The following TAF1A variants were observed in gnomAD, a reference collection of about 807,000 sequenced individuals.
The protein encoded by TAF1A is TATA-box binding protein associated factor, RNA polymerase I subunit A, also known as TATA box-binding protein-associated factor RNA polymerase I subunit A.
A neutral mutation model predicts 61.6 loss-of-function variants in TAF1A; 42 were observed. That is an observed-to-expected ratio of 0.68 (90% CI 0.53 to 0.88). The LOEUF (loss-of-function observed/expected upper bound fraction) is 0.88. Ranked by LOEUF, TAF1A falls within the 40% of genes least tolerant of loss-of-function variation. TAF1A has a pLI of 0.00. For missense variants in TAF1A, 424 were observed against 518.7 expected, an observed-to-expected ratio of 0.82 and a Z score of 1.77; for synonymous variants, 179 against 177.7, an observed-to-expected ratio of 1.01 and a Z score of -0.06.
At position 222,562,751 on chromosome 1, in the gene TAF1A, AT is replaced by A. The variant is rs1230393935; in HGVS notation, c.1085+421del. On this transcript the variant is annotated intron_variant, in intron 9 of 10. Coordinates refer to ENST00000352967, the MANE Select transcript of TAF1A (RefSeq NM_005681.4). ...TGAGTATTTGTTAAATGACTAGTGT[AT>A]GATGATCTTGTCAGGTCCTAAAAAT... Among the ~76,000 whole-genome samples the A allele has an allele frequency of 2.6e-5, 4 of 152,192 alleles. 1 individual carries two copies. In the East Asian group the frequency reaches 7.7e-4, roughly 29 times the overall value.
chr1:222,587,885 C>T (rs796432775), intron 2 of TAF1A, among the ~76,000 whole-genome samples: 11 of 152,146 alleles, frequency 7.2e-5, no homozygotes, highest in African/African-American at 2.7e-4. Context: ...AACCCTGTCT[C>T]TATTAAAAAT....
intron 10 of TAF1A, among the ~76,000 whole-genome samples, chr1:222,560,072 C>T (rs1267271151): frequency 6.6e-6 from 1 of 152,094 alleles, no homozygotes; most frequent in Non-Finnish European, 1.5e-5. Context: ...CAAGGAAAGA[C>T]CCCTCCAAGG....
intron 7 of TAF1A, chr1:222,569,067 T>A: frequency 4.8e-6 from 1 of 208,454 alleles, no homozygotes. Flanking sequence ...AGTGATTGTC[T>A]GGGGCCATGG....
chr1:222,579,479 T>G (rs1476882993), intron 4 of TAF1A, among the ~76,000 whole-genome samples: 1 of 152,232 alleles, frequency 6.6e-6, no homozygotes, highest in Non-Finnish European at 1.5e-5. Context: ...TTTTAGAATC[T>G]GGCCCATCAT....
At chr1:222,576,896 G>C (rs975575304) in intron 5 of TAF1A, among the ~76,000 whole-genome samples, 1 of 152,116 alleles carries the variant, frequency 6.6e-6, no homozygotes, top group Non-Finnish European at 1.5e-5. Context: ...GCTCTCTTCT[G>C]GACTAGGCCT....
intron 2 of TAF1A, 75 bp from the exon 3 acceptor site, chr1:222,584,372 A>C: frequency 7.1e-7 from 1 of 1,408,204 alleles, no homozygotes; most frequent in South Asian, 1.4e-5. Context: ...TACTTCTGAT[A>C]AGAAGTTTTA....
chr1:222,586,067 A>T (rs550633241), intron 2 of TAF1A, among the ~76,000 whole-genome samples: 1 of 152,318 alleles, frequency 6.6e-6, no homozygotes, highest in South Asian at 2.1e-4. Context: ...GTGCTAGACT[A>T]GTGTTCTCAG....
At chr1:222,570,810 T>A in intron 5 of TAF1A, 145 bp from the exon 6 acceptor site, 2 of 739,224 alleles carry the variant, frequency 2.7e-6, no homozygotes, top group Non-Finnish European at 4.1e-6. Context: ...AGGAAAATAC[T>A]AATTCTTCAC....
At chr1:222,580,403 C>CTCAGA (rs1454856159) in intron 3 of TAF1A, among the ~76,000 whole-genome samples, 3 of 152,054 alleles carry the variant, frequency 2.0e-5, no homozygotes, top group African/African-American at 7.2e-5. Context: ...ATATTTTATC[C>CTCAGA]TCAGATCACC....
At chr1:222,587,821 G>A (rs1460526439) in intron 2 of TAF1A, among the ~76,000 whole-genome samples, 3 of 152,106 alleles carry the variant, frequency 2.0e-5, no homozygotes, top group African/African-American at 7.2e-5. Flanking sequence ...GGAGGCTGAG[G>A]TGGGCAGGTC....
In TAF1A at chr1:222,561,415, T is replaced by C; in HGVS notation, c.1189A>G (p.Thr397Ala). The part of the protein sequence containing the change: ...FWAKSDWKED[T>A]ALACEKAFVA... ...AAAGCTTTCTCACAGGCCAAAGCTG[T>C]ATCTTCCTTCCAATCACTTTTTGCC... Residue 397 changes from threonine (T) to alanine (A), a missense_variant, in exon 10 of 11, where the codon ACA (threonine) becomes GCA (alanine). Physicochemically the swap from Thr to Ala is moderately conservative, Grantham distance 58. Coordinates refer to ENST00000352967, the MANE Select transcript of TAF1A (RefSeq NM_005681.4). The C allele has an allele frequency of 6.2e-7, 1 of 1,612,568 alleles. No homozygotes were observed. The highest frequency in any genetic ancestry group is 2.2e-5 in the East Asian group (1 of 44,812).
At chr1:222,573,989 G>GAA (rs5781278) in intron 5 of TAF1A, among the ~76,000 whole-genome samples, 52 of 150,044 alleles carry the variant, frequency 3.5e-4, no homozygotes, top group South Asian at 2.1e-3. Context: ...TTCTGTTAGG[G>GAA]AAAAAAAAAA....
Position 222,589,134 on chromosome 1 carries a change from TGGA to T in TAF1A, c.-2-572_-2-570del, listed in dbSNP as rs149181453. ...GCATGACTAGAATTCGAGGTGCGTG[TGGA>T]GGAGGGGTGCGGAAGGTGAGAAACG... On this transcript the variant is annotated intron_variant, in intron 1 of 10. Transcript: ENST00000352967. 3.7e-3 allele frequency among the ~76,000 whole-genome samples: 559 copies of T among 152,218 alleles called. 3 individuals are homozygous for T. The highest frequency in any genetic ancestry group is 0.013 in the African/African-American group (537 of 41,512).
At chr1:222,558,274 A>G (rs1659780030), downstream of TAF1A, 1 of 152,306 alleles carries the variant, frequency 6.6e-6, no homozygotes, top group Non-Finnish European at 1.5e-5. Flanking sequence ...TATACCTAAA[A>G]TGGATTAATT....
At position 222,577,591 on chromosome 1, in the gene TAF1A, G is replaced by A. The variant is rs1478253198; in HGVS notation, c.458C>T (p.Ala153Val). ...CTCTGCCTCACTCAGATTTCTCTTAGCATCTTTAAGCATTCCATGATGCAG... is the reference window on the plus strand; with the variant it reads ...CTCTGCCTCACTCAGATTTCTCTTAACATCTTTAAGCATTCCATGATGCAG... ...YLLHHGMLKD[A>V]KRNLSEAETW... is the part of the protein sequence containing the mutation. Residue 153 changes from alanine to valine, a missense_variant, in exon 5 of 11, where the codon GCT becomes GTT. Physicochemically the swap from Ala to Val is moderately conservative, Grantham distance 64. Coordinates refer to ENST00000352967, the MANE Select transcript of TAF1A (RefSeq NM_005681.4). 1 of 1,613,878 alleles carries A rather than the reference G, an allele frequency of 6.2e-7. No homozygotes were observed. Among genetic ancestry groups the A allele is most frequent in the Admixed American group, 1.7e-5 (1 of 60,008 alleles).
At chr1:222,579,901 G>A in intron 3 of TAF1A, 29 bp from the exon 4 acceptor site, 1 of 1,582,964 alleles carries the variant, frequency 6.3e-7, no homozygotes, top group South Asian at 1.2e-5. Context: ...CTGCCAAAAT[G>A]TAAAATTTTT....
chr1:222,557,044 A>G (rs1659737006), downstream of TAF1A, among the ~76,000 whole-genome samples: 1 of 152,194 alleles, frequency 6.6e-6, no homozygotes, highest in Non-Finnish European at 1.5e-5. Flanking sequence ...CTTTCTTACT[A>G]AGTAATATTG....
chr1:222,575,626 A>G (rs1314901002), intron 5 of TAF1A, among the ~76,000 whole-genome samples: 1 of 152,218 alleles, frequency 6.6e-6, no homozygotes, highest in African/African-American at 2.4e-5. Context: ...AGACAGAGCC[A>G]CATAACAGCA....
At chr1:222,559,796 T>C (rs866205115) in intron 10 of TAF1A, among the ~76,000 whole-genome samples, 3 of 151,994 alleles carry the variant, frequency 2.0e-5, no homozygotes, top group African/African-American at 7.2e-5. Context: ...ACAGGCACAC[T>C]GCATGCCACC....
Sources: allele counts gnomAD v4.1 joint callset (sites outside exome capture counted in the v4.1 genomes callset), GRCh38; gene constraint gnomAD v4.1.1; transcripts MANE v1.5; gene names NCBI Gene and HGNC (gene_info 2026-07-23, HGNC 2026-07-21).